MPDZ: variants seen among roughly 807,000 people sequenced by gnomAD.
MPDZ encodes multiple PDZ domain crumbs cell polarity complex component, also known as multiple PDZ domain protein.
In MPDZ, 234 loss-of-function variants were observed where a neutral mutation model predicts 239.1. That is an observed-to-expected ratio of 0.98 (90% CI 0.88 to 1.09). MPDZ has a LOEUF of 1.09. Among genes scored for constraint, MPDZ ranks in the 50% least tolerant of loss-of-function variants. The pLI, the probability that MPDZ is intolerant of heterozygous loss-of-function variation, is 0.00. For synonymous variants in MPDZ, 1,048 were observed against 881.3 expected, an observed-to-expected ratio of 1.19 and a Z score of -3.35; for missense variants, 3,175 against 2,510.0, an observed-to-expected ratio of 1.26 and a Z score of -5.66.
chr9:13,114,209 CATAA>C (rs1303700921), intron 40 of MPDZ, among the ~76,000 whole-genome samples, 188 bp from the exon 41 acceptor site: 5 of 152,092 alleles, frequency 3.3e-5, no homozygotes, highest in Admixed American at 3.3e-4. Flanking sequence ...TGTCTAGTGA[CATAA>C]ATAAATTGAA....
intron 8 of MPDZ, among the ~76,000 whole-genome samples, chr9:13,218,910 T>C (rs370551949): frequency 2.0e-5 from 3 of 152,034 alleles, no homozygotes; most frequent in East Asian, 3.9e-4. Context: ...GCTTTTTTCA[T>C]ATCAAGTTGA....
intron 1 of MPDZ, among the ~76,000 whole-genome samples, chr9:13,269,402 G>C (rs185139916): frequency 1.3e-4 from 20 of 152,090 alleles, no homozygotes; most frequent in African/African-American, 4.6e-4. Flanking sequence ...TTTCTCTCAG[G>C]GCTATATCCC....
Position 13,106,747 on chromosome 9 carries a change from C to T in MPDZ, c.*218G>A. The T allele has an allele frequency of 6.0e-6, 3 of 497,864 alleles. No homozygotes were observed. The highest frequency in any genetic ancestry group is 1.1e-5 in the Non-Finnish European group (3 of 281,614). 30.8% of individuals were successfully genotyped at this position (497,864 alleles called of 1,614,324 possible). A position where few individuals can be genotyped will look rare whatever the true frequency, so the allele number is the denominator to read the frequency against. ...AGATTCACCTACACAAATATTCCTTCTCTTTAAGTTCACAAAATGCAAGAA... is the reference window on the plus strand; with the variant it reads ...AGATTCACCTACACAAATATTCCTTTTCTTTAAGTTCACAAAATGCAAGAA... On this transcript the variant is annotated 3_prime_UTR_variant, in exon 47 of 47. Transcript: ENST00000319217.
At chr9:13,199,699 T>G (rs1336724637) in intron 12 of MPDZ, among the ~76,000 whole-genome samples, 2 of 152,126 alleles carry the variant, frequency 1.3e-5, no homozygotes, top group Admixed American at 6.6e-5. Flanking sequence ...TTGAAAGATT[T>G]TATCATGAAA....
At chr9:13,115,150 G>A in intron 40 of MPDZ, 98 bp downstream of exon 40, 1 of 988,786 alleles carries the variant, frequency 1.0e-6, no homozygotes, top group Non-Finnish European at 1.6e-6. Flanking sequence ...CACGCTGCCA[G>A]GGGACCAGAC....
chr9:13,263,893 A>C (rs764597253), intron 1 of MPDZ, among the ~76,000 whole-genome samples: 7 of 152,194 alleles, frequency 4.6e-5, no homozygotes, highest in Non-Finnish European at 1.0e-4. Flanking sequence ...ATGAACAGTT[A>C]GTCACACAAT....
At chr9:13,122,261 G>T in intron 36 of MPDZ, 91 bp from the exon 37 acceptor site, 2 of 1,127,456 alleles carry the variant, frequency 1.8e-6, no homozygotes, top group South Asian at 1.3e-5. Flanking sequence ...TACTTTGATA[G>T]ACAGCAATAA....
In MPDZ at chr9:13,179,159, G is replaced by A. The variant is rs75647846; in HGVS notation, c.2650-2742C>T. ...ATCATATAAGCAATTAACATCTGTA[G>A]TATCTTCAGAAACAAATGACAGGAA... On this transcript the variant is annotated intron_variant, in intron 19 of 46. Coordinates refer to ENST00000319217, the MANE Select transcript of MPDZ (RefSeq NM_001378778.1). Among the ~76,000 whole-genome samples, 1,304 of 152,186 alleles carry A rather than the reference G, an allele frequency of 8.6e-3. 21 individuals carry two copies. The highest frequency in any genetic ancestry group is 0.03 in the African/African-American group (1,247 of 41,530).
At chr9:13,270,183 T>G in intron 1 of MPDZ, among the ~76,000 whole-genome samples, 1 of 152,306 alleles carries the variant, frequency 6.6e-6, no homozygotes. Context: ...AACATTAATA[T>G]TAAGAGCACA....
intron 24 of MPDZ, among the ~76,000 whole-genome samples, chr9:13,154,013 T>C (rs1468140518): frequency 6.6e-6 from 1 of 152,136 alleles, no homozygotes; most frequent in Non-Finnish European, 1.5e-5. Flanking sequence ...TTTCACATCA[T>C]ACCTATAAGG....
chr9:13,126,698 C>T lies in MPDZ; in HGVS notation c.4539G>A (p.Glu1513=), dbSNP rs889350789. ...ACCTCACCGTGGCTGCTACCCCATG[C>T]TCTGTTAAGCTCTTTATGATGACTC... is the stretch of plus-strand genomic sequence containing the variant. ...LSGVIIKSLT[E]HGVAATDGRL... Residue 1513 remains glutamate (E), a synonymous_variant, in exon 33 of 47, where the codon GAG becomes GAA. Transcript: ENST00000319217. The T allele has an allele frequency of 7.4e-6, 12 of 1,613,778 alleles. No homozygotes were observed. Among genetic ancestry groups the T allele is most frequent in the Non-Finnish European group, 1.0e-5 (12 of 1,179,726 alleles).
chr9:13,232,191 C>G (rs1962685684), intron 3 of MPDZ, among the ~76,000 whole-genome samples: 1 of 152,068 alleles, frequency 6.6e-6, no homozygotes, highest in Non-Finnish European at 1.5e-5. Flanking sequence ...CCAAATGAAT[C>G]CACAAATAAA....
At chr9:13,119,819 T>C in intron 38 of MPDZ, 170 bp from the exon 39 acceptor site, 1 of 681,266 alleles carries the variant, frequency 1.5e-6, no homozygotes. Flanking sequence ...TTTTGATAAA[T>C]AACAGCTTAT....
chr9:13,235,515 A>C lies in MPDZ; in HGVS notation c.184-10932T>G, dbSNP rs578049259. ...AAAATTATTCTACTAGGCTTAGTTC[A>C]CTCAGATACTGAGATAAGATACCTT... On this transcript the variant is annotated intron_variant, in intron 3 of 46. Coordinates refer to ENST00000319217, the MANE Select transcript of MPDZ (RefSeq NM_001378778.1). Among the ~76,000 whole-genome samples the C allele has an allele frequency of 1.4e-4, 21 of 152,312 alleles. No individual in the cohort carries two copies. The South Asian group carries it at 4.1e-3, about 30-fold the overall frequency.
chr9:13,113,064 CAA>C lies in MPDZ; in HGVS notation c.5558-12_5558-11del, dbSNP rs1228386105. 6.4e-7 allele frequency: 1 copy of C among 1,560,036 alleles called. No homozygotes were observed. Among genetic ancestry groups the C allele is most frequent in the Admixed American group, 2.0e-5 (1 of 51,174 alleles). On this transcript the variant is annotated splice_polypyrimidine_tract_variant and intron_variant, in intron 41 of 46. Coordinates refer to ENST00000319217, the MANE Select transcript of MPDZ (RefSeq NM_001378778.1). ...TGTATTTCAGATGCCACTGTAAAGG[CAA>C]AAAAGATAAAATAGGGTTATTTTAT... is the stretch of plus-strand genomic sequence containing the variant.
Position 13,236,197 on chromosome 9 carries a change from A to G in MPDZ, c.183+11438T>C, listed in dbSNP as rs112945073. Among the ~76,000 whole-genome samples the G allele has an allele frequency of 9.6e-4, 74 of 76,962 alleles. 1 individual carries two copies. Among genetic ancestry groups the G allele is most frequent in the East Asian group, 6.8e-3 (14 of 2,070 alleles). 50.5% of individuals were successfully genotyped at this position (76,962 alleles called of 152,430 possible). ...TTTGTGTGTGTGTGTTTCTGTATAT[A>G]TGTGTGTGTGTGTGTGTGTGTGTGT... On this transcript the variant is annotated intron_variant, in intron 3 of 46. Transcript: ENST00000319217.
intron 22 of MPDZ, among the ~76,000 whole-genome samples, chr9:13,166,219 T>C (rs1951061327): frequency 6.6e-6 from 1 of 152,094 alleles, no homozygotes; most frequent in Non-Finnish European, 1.5e-5. Context: ...TTCAGAGTAA[T>C]GGAAGGACTA....
At chr9:13,165,924 A>G (rs1951017342) in intron 22 of MPDZ, among the ~76,000 whole-genome samples, 1 of 152,140 alleles carries the variant, frequency 6.6e-6, no homozygotes, top group Non-Finnish European at 1.5e-5. Context: ...TTATCTACCC[A>G]TGCATGCATG....
chr9:13,114,040 T>A lies in MPDZ; in HGVS notation c.5467-19A>T. ...CACTCACCTACAAATATACAACAAT[T>A]ATTTCAGAAGGTTTTGCAAGTAACA... is the stretch of plus-strand genomic sequence containing the variant. On this transcript the variant is annotated intron_variant, in intron 40 of 46. Transcript: ENST00000319217. 6.4e-7 allele frequency: 1 copy of A among 1,562,108 alleles called. No individual in the cohort carries two copies. Among genetic ancestry groups the A allele is most frequent in the Non-Finnish European group, 8.7e-7 (1 of 1,148,846 alleles).
Sources: gnomAD v4.1 joint callset for allele counts (sites outside exome capture counted in the v4.1 genomes callset) on GRCh38, gnomAD v4.1.1 for gene constraint, MANE v1.5 for transcripts, NCBI Gene and HGNC (gene_info 2026-07-23, HGNC 2026-07-21) for gene names.